The following SPATS2L variants were observed in gnomAD, a reference collection of about 807,000 sequenced individuals.
The protein encoded by SPATS2L is SPATS2-like protein.
SPATS2L carries 30 observed loss-of-function variants against 59.6 expected under a neutral mutation model. The ratio of observed to expected loss-of-function variants is 0.50; its 90% CI spans 0.38 to 0.68. The LOEUF is 0.68. Among genes scored for constraint, SPATS2L ranks in the 30% least tolerant of loss-of-function variants. The pLI is 0.00. For missense variants in SPATS2L, 615 were observed against 700.0 expected (o/e 0.88, Z 1.37); for synonymous variants, 252 against 263.5 (o/e 0.96, Z 0.42).
chr2:200,477,579 C>G, intron 12 of SPATS2L, 57 bp from the exon 13 acceptor site: 4 of 1,033,586 alleles, frequency 3.9e-6, no homozygotes, highest in Non-Finnish European at 5.2e-6. Context: ...CTGATGTCTA[C>G]TGGTGTCATC....
chr2:200,352,795 T>C (rs2105848554), intron 2 of SPATS2L, among the ~76,000 whole-genome samples: 1 of 152,262 alleles, frequency 6.6e-6, no homozygotes, highest in South Asian at 2.1e-4. Context: ...TGAATTCCTC[T>C]AGGTGCTGAT....
At chr2:200,454,637 A>G (rs534935912) in intron 8 of SPATS2L, among the ~76,000 whole-genome samples, 2 of 152,366 alleles carry the variant, frequency 1.3e-5, no homozygotes, top group Admixed American at 6.5e-5. Flanking sequence ...TTGCTTTGAT[A>G]ATAAAAGCTT....
intron 2 of SPATS2L, among the ~76,000 whole-genome samples, chr2:200,382,223 C>T (rs761884200): frequency 5.9e-5 from 9 of 152,094 alleles, no homozygotes; most frequent in Non-Finnish European, 7.4e-5. Context: ...TACAAACACA[C>T]GCCATCATGC....
At chr2:200,397,400 G>C (rs2082389642) in intron 3 of SPATS2L, among the ~76,000 whole-genome samples, 1 of 152,164 alleles carries the variant, frequency 6.6e-6, no homozygotes, top group Non-Finnish European at 1.5e-5. Context: ...AAATGACAAT[G>C]TTGGAAGGCT....
At chr2:200,329,503 T>A (rs1251562440) in intron 2 of SPATS2L, 23 bp downstream of exon 2, 2 of 1,546,158 alleles carry the variant, frequency 1.3e-6, no homozygotes, top group Non-Finnish European at 1.7e-6. Context: ...GGTCCTTCCC[T>A]CTCTGTGACC....
At chr2:200,320,632 CAGAG>C (rs986308106) in intron 1 of SPATS2L, among the ~76,000 whole-genome samples, 3 of 152,156 alleles carry the variant, frequency 2.0e-5, no homozygotes. Flanking sequence ...GTGACCATGA[CAGAG>C]AGAGCTCTGA....
chr2:200,466,786 G>A (rs2086636041), intron 9 of SPATS2L, among the ~76,000 whole-genome samples: 1 of 152,202 alleles, frequency 6.6e-6, no homozygotes. Context: ...AATAAAGTTA[G>A]ATTTTTATGT....
At chr2:200,466,230 AAAGCAGTTGATCCTTGTTCAGCCAAGC>A (rs1195734976) in intron 9 of SPATS2L, among the ~76,000 whole-genome samples, 1 of 152,226 alleles carries the variant, frequency 6.6e-6, no homozygotes, top group Non-Finnish European at 1.5e-5. Context: ...CTGGTCTAAT[AAAGCAGTTGATCCTTGTTCAGCCAAGC>A]ATAGAATGTG....
intron 2 of SPATS2L, among the ~76,000 whole-genome samples, chr2:200,338,431 G>T (rs2080213701): frequency 6.6e-6 from 1 of 152,138 alleles, no homozygotes; most frequent in Non-Finnish European, 1.5e-5. Flanking sequence ...GAAGAAACAT[G>T]TAATCAAGTG....
At chr2:200,440,430 C>A (rs557142123) in intron 7 of SPATS2L, among the ~76,000 whole-genome samples, 1 of 152,262 alleles carries the variant, frequency 6.6e-6, no homozygotes, top group African/African-American at 2.4e-5. Context: ...CAAGCGTACC[C>A]CAGATGGCCC....
intron 1 of SPATS2L, among the ~76,000 whole-genome samples, chr2:200,320,861 T>C (rs2079539418): frequency 4.6e-5 from 7 of 152,150 alleles, no homozygotes; most frequent in Admixed American, 4.6e-4. Context: ...TTGGACTAGA[T>C]AGAAAAAATA....
At chr2:200,340,847 T>C (rs893733745) in intron 2 of SPATS2L, among the ~76,000 whole-genome samples, 30 of 152,366 alleles carry the variant, frequency 2.0e-4, no homozygotes, top group South Asian at 1.0e-3. Flanking sequence ...CTTGAACTTT[T>C]GCCCTTGCTC....
At chr2:200,474,655 A>G (rs192427647) in intron 12 of SPATS2L, among the ~76,000 whole-genome samples, 2 of 152,318 alleles carry the variant, frequency 1.3e-5, no homozygotes, top group East Asian at 1.9e-4. Context: ...AATTTAGTCT[A>G]AGAGTTTCCC....
intron 2 of SPATS2L, among the ~76,000 whole-genome samples, chr2:200,343,657 G>A (rs1046866929): frequency 6.6e-6 from 1 of 152,078 alleles, no homozygotes; most frequent in African/African-American, 2.4e-5. Context: ...TTACATCATT[G>A]TTTATAATAT....
chr2:200,356,535 A>G (rs886827161), intron 2 of SPATS2L, among the ~76,000 whole-genome samples: 5 of 152,218 alleles, frequency 3.3e-5, no homozygotes, highest in African/African-American at 1.2e-4. Flanking sequence ...TTTTTCTCCC[A>G]AAATATAGAA....
At chr2:200,311,037 A>C (rs1183789609) in intron 1 of SPATS2L, among the ~76,000 whole-genome samples, 1 of 152,248 alleles carries the variant, frequency 6.6e-6, no homozygotes, top group Non-Finnish European at 1.5e-5. Flanking sequence ...TATTCTGTCT[A>C]CCGGCCCTGG....
chr2:200,451,632 T>A (rs1176330036), intron 8 of SPATS2L, among the ~76,000 whole-genome samples: 5 of 152,220 alleles, frequency 3.3e-5, no homozygotes. Context: ...TCCCCTCCCC[T>A]TTTCACATGA....
At chr2:200,474,861 T>C (rs537677943) in intron 12 of SPATS2L, among the ~76,000 whole-genome samples, 139 of 152,162 alleles carry the variant, frequency 9.1e-4, no homozygotes, top group Non-Finnish European at 1.6e-3. Context: ...AGTAACTTCT[T>C]GACCCTCCCG....
chr2:200,361,174 A>G (rs145235361), intron 2 of SPATS2L, among the ~76,000 whole-genome samples: 35 of 150,660 alleles, frequency 2.3e-4, no homozygotes, highest in Middle Eastern at 3.4e-3. Context: ...GTGGCACATT[A>G]TAGAATGGAC....
Sources: allele counts gnomAD v4.1 joint callset (sites outside exome capture counted in the v4.1 genomes callset), GRCh38; gene constraint gnomAD v4.1.1; transcripts MANE v1.5; gene names NCBI Gene and HGNC (gene_info 2026-07-23, HGNC 2026-07-21).